The following NTN4 variants were observed in gnomAD, a reference collection of about 807,000 sequenced individuals.
The protein encoded by NTN4 is netrin 4.
Under a neutral mutation model 73.6 loss-of-function variants are expected in NTN4, and 32 were observed. The ratio of observed to expected loss-of-function variants is 0.44; its 90% confidence interval spans 0.33 to 0.58. The LOEUF (loss-of-function observed/expected upper bound fraction) is 0.58, where lower values mean the gene tolerates loss of function less well. Ranked by LOEUF, NTN4 falls within the 20% of genes least tolerant of loss-of-function variation. The pLI is 0.04. For synonymous variants in NTN4, 258 were observed against 287.5 expected (o/e 0.90, Z 1.04); for missense variants, 654 against 798.3 (o/e 0.82, Z 2.18).
At chr12:95,705,289 T>C (rs113685812) in intron 5 of NTN4, among the ~76,000 whole-genome samples, 3 of 152,132 alleles carry the variant, frequency 2.0e-5, no homozygotes, top group Non-Finnish European at 4.4e-5. Context: ...CATGGCTATA[T>C]CTATAAATAT....
At position 95,737,978 on chromosome 12, in the gene NTN4, T is replaced by C; in HGVS notation, c.752A>G (p.Tyr251Cys). Residue 251 changes from tyrosine to cysteine, a missense_variant, in exon 3 of 10, where the codon TAT becomes TGT. Transcript: ENST00000343702. ...CTTGACAATGAAATCATAGATTGCA[T>C]AGTGTGTAAAATGTTGAGGCTCTTC... ...LNEEPQHFTH[Y>C]AIYDFIVKGS... 1.2e-6 allele frequency: 2 copies of C among 1,614,058 alleles called. No individual in the cohort carries two copies. Among genetic ancestry groups the C allele is most frequent in the Non-Finnish European group, 1.7e-6 (2 of 1,179,998 alleles).
At chr12:95,690,313 G>A (rs1361611390) in intron 5 of NTN4, among the ~76,000 whole-genome samples, 1 of 152,190 alleles carries the variant, frequency 6.6e-6, no homozygotes, top group Non-Finnish European at 1.5e-5. Flanking sequence ...TGTGCAAATT[G>A]CTAGGGATCT....
chr12:95,748,002 C>T (rs555935597), intron 2 of NTN4, among the ~76,000 whole-genome samples: 63 of 151,874 alleles, frequency 4.1e-4, no homozygotes, highest in African/African-American at 1.1e-3. Context: ...GAGGCTGAGG[C>T]GGGTGGATCA....
chr12:95,702,803 T>C (rs915162969), intron 5 of NTN4, among the ~76,000 whole-genome samples: 2 of 151,530 alleles, frequency 1.3e-5, no homozygotes, highest in African/African-American at 2.4e-5. Flanking sequence ...TATGTGCTTC[T>C]AGTAAATTTA....
At chr12:95,668,205 T>G (rs2078198300) in intron 8 of NTN4, among the ~76,000 whole-genome samples, 1 of 151,810 alleles carries the variant, frequency 6.6e-6, no homozygotes, top group Non-Finnish European at 1.5e-5. Flanking sequence ...TTTTTCCAAG[T>G]CTTAGCAGTA....
rs1177689895 is a variant in NTN4, at chr12:95,789,906, C to T, written c.55+349G>A. The T allele has an allele frequency of 8.5e-6, 2 of 235,622 alleles. No individual in the cohort carries two copies. The highest frequency in any genetic ancestry group is 1.1e-4 in the South Asian group (1 of 9,078). The allele number at this position is 235,622 out of a possible 1,614,324, so 14.6% of individuals were successfully genotyped here. ...CACCCCTCCTCATCATTCCTTAGGCCATGAAGTGCCGGGGGATGGCGAGCT... is the reference window on the plus strand; with the variant it reads ...CACCCCTCCTCATCATTCCTTAGGCTATGAAGTGCCGGGGGATGGCGAGCT... On this transcript the variant is annotated intron_variant, in intron 1 of 9. Coordinates refer to ENST00000343702, the MANE Select transcript of NTN4 (RefSeq NM_021229.4). The surrounding 1 kb of genome is among the most constrained non-coding windows in gnomAD (Gnocchi z 4.0).
intron 2 of NTN4, among the ~76,000 whole-genome samples, chr12:95,761,571 G>A (rs184448332): frequency 8.5e-5 from 13 of 152,162 alleles, no homozygotes; most frequent in African/African-American, 2.4e-4. Flanking sequence ...GACCTGAAGC[G>A]ATCTGCCCAC....
intron 2 of NTN4, among the ~76,000 whole-genome samples, chr12:95,784,698 C>A (rs1364545420): frequency 1.3e-5 from 2 of 151,778 alleles, no homozygotes; most frequent in African/African-American, 4.8e-5. Flanking sequence ...ATCTAGGAAG[C>A]GGAGGCTTCA....
chr12:95,742,873 A>G (rs1473323716), intron 2 of NTN4, among the ~76,000 whole-genome samples: 1 of 152,270 alleles, frequency 6.6e-6, no homozygotes, highest in Admixed American at 6.5e-5. Flanking sequence ...TCCAAGTATC[A>G]TTCTAAGAGG....
intron 4 of NTN4, among the ~76,000 whole-genome samples, chr12:95,712,689 C>T (rs2078572728): frequency 6.6e-6 from 1 of 152,004 alleles, no homozygotes; most frequent in Non-Finnish European, 1.5e-5. Flanking sequence ...GCAACCTTCA[C>T]CTCCCGGTTT....
chr12:95,721,092 C>T (rs1429911655), intron 3 of NTN4, among the ~76,000 whole-genome samples: 1 of 152,230 alleles, frequency 6.6e-6, no homozygotes, highest in Non-Finnish European at 1.5e-5. Context: ...ATCTTAACCC[C>T]TAAACTATGC....
chr12:95,746,399 C>A (rs1393039942), intron 2 of NTN4, among the ~76,000 whole-genome samples: 1 of 151,744 alleles, frequency 6.6e-6, no homozygotes, highest in African/African-American at 2.4e-5. Flanking sequence ...CCCCCCTCCC[C>A]TTTCTAAACC....
intron 7 of NTN4, among the ~76,000 whole-genome samples, chr12:95,682,057 C>CTTTTTTTTTTTTTTTTTTTTTTTTTTTT (rs557973212): frequency 1.5e-5 from 1 of 64,546 alleles, no homozygotes; most frequent in Admixed American, 2.6e-4. Context: ...ATTCAGTAGG[C>CTTTTTTTTTTTTTTTTTTTTTTTTTTTT]TTTTTTTTTT....
chr12:95,686,062 T>C (rs930409379), intron 5 of NTN4, among the ~76,000 whole-genome samples: 2 of 151,322 alleles, frequency 1.3e-5, no homozygotes, highest in African/African-American at 4.9e-5. Flanking sequence ...ATTTGTAATT[T>C]GTTATTTTTT....
chr12:95,773,530 C>A (rs1432934690), intron 2 of NTN4, among the ~76,000 whole-genome samples: 1 of 152,126 alleles, frequency 6.6e-6, no homozygotes, highest in African/African-American at 2.4e-5. Context: ...TGCACCTGGA[C>A]CCCTTAGCTT....
At chr12:95,751,598 C>T (rs1411201255) in intron 2 of NTN4, among the ~76,000 whole-genome samples, 3 of 151,986 alleles carry the variant, frequency 2.0e-5, no homozygotes, top group Non-Finnish European at 2.9e-5. Context: ...AACTCTGGCC[C>T]AAGGCTCTCT....
intron 3 of NTN4, among the ~76,000 whole-genome samples, chr12:95,733,103 A>G (rs2078750472): frequency 6.6e-6 from 1 of 152,252 alleles, no homozygotes; most frequent in South Asian, 2.1e-4. Context: ...AATATTTCTC[A>G]CAGTATTCTA....
At chr12:95,720,570 C>G (rs1049999342) in intron 3 of NTN4, among the ~76,000 whole-genome samples, 2 of 151,984 alleles carry the variant, frequency 1.3e-5, no homozygotes, top group African/African-American at 4.8e-5. Context: ...TATTATGAAG[C>G]CTTGAGAACT....
chr12:95,769,550 CAAAAAAAA>C (rs60702860), intron 2 of NTN4, among the ~76,000 whole-genome samples: 11 of 130,368 alleles, frequency 8.4e-5, no homozygotes, highest in African/African-American at 2.7e-4. Context: ...ATTTATAGAC[CAAAAAAAA>C]AAAAAAAAAA....
Sources: gnomAD v4.1 joint callset for allele counts (sites outside exome capture counted in the v4.1 genomes callset) on GRCh38, gnomAD v4.1.1 for gene constraint, Gnocchi (gnomAD v3.1) non-coding constraint, MANE v1.5 for transcripts, NCBI Gene and HGNC (gene_info 2026-07-23, HGNC 2026-07-21) for gene names.